CFI: variants seen among roughly 807,000 people sequenced by gnomAD.
CFI encodes the protein complement factor I.
Under a neutral mutation model 78.8 loss-of-function variants are expected in CFI, and 66 were observed. The ratio of observed to expected loss-of-function variants is 0.84; its 90% CI spans 0.69 to 1.03. The LOEUF (loss-of-function observed/expected upper bound fraction) is 1.03. Among genes scored for constraint, CFI ranks in the 50% least tolerant of loss-of-function variants. The pLI is 0.00. For missense variants in CFI, 706 were observed against 704.5 expected (o/e 1.00, Z -0.02); for synonymous variants, 250 against 232.6 (o/e 1.07, Z -0.68).
chr4:109,796,925 A>C (rs1286611399), intron 1 of CFI, among the ~76,000 whole-genome samples: 1 of 152,258 alleles, frequency 6.6e-6, no homozygotes, highest in Non-Finnish European at 1.5e-5. Flanking sequence ...AAATTAAAGT[A>C]GGCACAAAGA....
chr4:109,798,569 T>C (rs1579330129), intron 1 of CFI, among the ~76,000 whole-genome samples: 2 of 152,080 alleles, frequency 1.3e-5, no homozygotes, highest in East Asian at 3.9e-4. Flanking sequence ...TTGTGGTTCT[T>C]CTGGAACAGA....
chr4:109,763,405 T>C (rs1387880386), intron 3 of CFI, among the ~76,000 whole-genome samples: 1 of 152,012 alleles, frequency 6.6e-6, no homozygotes, highest in Non-Finnish European at 1.5e-5. Context: ...ATCTTTAATT[T>C]AGTAGAAATT....
At chr4:109,783,108 A>G (rs970369431) in intron 1 of CFI, among the ~76,000 whole-genome samples, 1 of 152,186 alleles carries the variant, frequency 6.6e-6, no homozygotes, top group Non-Finnish European at 1.5e-5. Flanking sequence ...CCTTCTAGAC[A>G]TAGGCTTAGG....
the CFI span, among the ~76,000 whole-genome samples, chr4:109,733,532 A>G: frequency 2.0e-5 from 3 of 152,226 alleles, no homozygotes; most frequent in Non-Finnish European, 4.4e-5. Flanking sequence ...TAATCTAGGT[A>G]TGGCATAAGT....
chr4:109,738,112 CTTT>C (rs141891533), downstream of CFI, among the ~76,000 whole-genome samples: 409 of 130,244 alleles, frequency 3.1e-3, 2 homozygotes, highest in Non-Finnish European at 2.8e-3. Context: ...GAGTACTTTT[CTTT>C]TTTTTTTTTT....
intron 7 of CFI, among the ~76,000 whole-genome samples, chr4:109,756,871 C>CGAAA (rs199723870): frequency 8.8e-6 from 1 of 113,824 alleles, no homozygotes; most frequent in South Asian, 2.8e-4. Flanking sequence ...GACTCCGTCT[C>CGAAA]GAAAGAAAGA....
In CFI at chr4:109,770,747, G is replaced by A. The variant is rs532703292; in HGVS notation, c.58-3923C>T. Among the ~76,000 whole-genome samples the A allele has an allele frequency of 1.2e-4, 19 of 152,064 alleles. No homozygotes were observed. In the South Asian group the frequency reaches 3.9e-3, roughly 32 times the overall value. The stretch of plus-strand genomic sequence containing the variant: ...ATAAGGTCAAAGAGAGTGGGGAGAG[G>A]ACTGCAGGATATAAGATATCAAAAT... On this transcript the variant is annotated intron_variant, in intron 1 of 12. Coordinates refer to ENST00000394634, the MANE Select transcript of CFI (RefSeq NM_000204.5).
At chr4:109,749,196 A>G (rs768942834) in intron 10 of CFI, 22 bp downstream of exon 10, 2 of 1,593,338 alleles carry the variant, frequency 1.3e-6, no homozygotes, top group Non-Finnish European at 1.7e-6. Flanking sequence ...GAAATCTAAA[A>G]TTTACTGAAG....
At chr4:109,798,222 T>C (rs1197558397) in intron 1 of CFI, among the ~76,000 whole-genome samples, 1 of 152,220 alleles carries the variant, frequency 6.6e-6, no homozygotes, top group Non-Finnish European at 1.5e-5. Context: ...TCAAGATGTA[T>C]AATTCTTAGA....
rs1295732785 is a variant in CFI, at chr4:109,740,840, T to G, written c.*53A>C. ...TATTAATTATACCGTTTTATTTCCA[T>G]TAAATGGAACTCTTGAGAGAAAAAG... On this transcript the variant is annotated 3_prime_UTR_variant, in exon 13 of 13. Coordinates refer to ENST00000394634, the MANE Select transcript of CFI (RefSeq NM_000204.5). 1 of 1,492,502 alleles carries G rather than the reference T, an allele frequency of 6.7e-7. No individual in the cohort carries two copies. The allele number at this position is 1,492,502 out of a possible 1,614,324, so 92.5% of individuals were successfully genotyped here. A position where few individuals can be genotyped will look rare whatever the true frequency, so the allele number is the denominator to read the frequency against.
chr4:109,794,185 T>C (rs1731748112), intron 1 of CFI: 1 of 152,198 alleles, frequency 6.6e-6, no homozygotes, highest in African/African-American at 2.4e-5. Flanking sequence ...TTTGATCAAA[T>C]GTGGAAATTT....
In CFI at chr4:109,753,504, TTTATTATATAAATAAATATTTATAATAA is replaced by T. The variant is rs1561293746; in HGVS notation, c.905-1029_905-1002del. On this transcript the variant is annotated intron_variant, in intron 7 of 12. Coordinates refer to ENST00000394634, the MANE Select transcript of CFI (RefSeq NM_000204.5). ...ATTTATAATAAATATTTATAATATA[TTTATTATATAAATAAATATTTATAATAA>T]ATATTTATAATATATTTATTATATA... Among the ~76,000 whole-genome samples, 3 of 20,874 alleles carry T rather than the reference TTTATTATATAAATAAATATTTATAATAA, an allele frequency of 1.4e-4. 1 individual carries two copies. Among genetic ancestry groups the T allele is most frequent in the African/African-American group, 3.7e-4 (3 of 8,112 alleles). 13.7% of individuals were successfully genotyped at this position (20,874 alleles called of 152,430 possible).
Position 109,760,498 on chromosome 4 carries a change from A to G in CFI, c.772+25T>C, listed in dbSNP as rs1411694463. ...TTAGTCAGAAAAATGAATTTAGAGG[A>G]TTTAGAGGCTAGATTTATGTCTACC... On this transcript the variant is annotated intron_variant, in intron 5 of 12. Coordinates refer to ENST00000394634, the MANE Select transcript of CFI (RefSeq NM_000204.5). 2.7e-6 allele frequency: 4 copies of G among 1,494,088 alleles called. No homozygotes were observed. In the African/African-American group the frequency reaches 5.5e-5, roughly 21 times the overall value. 92.6% of individuals were successfully genotyped at this position (1,494,088 alleles called of 1,614,324 possible).
At chr4:109,781,703 C>A (rs1283861643) in intron 1 of CFI, among the ~76,000 whole-genome samples, 1 of 151,954 alleles carries the variant, frequency 6.6e-6, no homozygotes, top group African/African-American at 2.4e-5. Context: ...AAGGACATAA[C>A]CAAAAAAGAA....
At chr4:109,772,661 C>T (rs1728746953) in intron 1 of CFI, among the ~76,000 whole-genome samples, 1 of 151,304 alleles carries the variant, frequency 6.6e-6, no homozygotes, top group African/African-American at 2.4e-5. Context: ...TCACTGTAAT[C>T]CTAAACTCAT....
intron 2 of CFI, 90 bp downstream of exon 2, chr4:109,766,464 A>G: frequency 6.7e-7 from 1 of 1,491,202 alleles, no homozygotes; most frequent in Non-Finnish European, 9.3e-7. Flanking sequence ...TCATCATAAC[A>G]TACACAAGAG....
chr4:109,771,970 C>A (rs938520268), intron 1 of CFI, among the ~76,000 whole-genome samples: 1 of 152,118 alleles, frequency 6.6e-6, no homozygotes, highest in Non-Finnish European at 1.5e-5. Context: ...ATAGGAGAAG[C>A]AATCAGAGCA....
Position 109,771,714 on chromosome 4 carries a change from C to CAAAAAAA in CFI, c.58-4897_58-4891dup, listed in dbSNP as rs149565381. Among the ~76,000 whole-genome samples, 45 of 18,122 alleles carry CAAAAAAA rather than the reference C, an allele frequency of 2.5e-3. 4 individuals are homozygous for CAAAAAAA. Among genetic ancestry groups the CAAAAAAA allele is most frequent in the South Asian group, 4.8e-3 (2 of 418 alleles). The allele number at this position is 18,122 out of a possible 152,430, so 11.9% of individuals were successfully genotyped here. ...GGGCAACACAGCAAGACTCCATCAC[C>CAAAAAAA]AAAAAAAAAAAAAAAAAAAAAAAAA... On this transcript the variant is annotated intron_variant, in intron 1 of 12. Transcript: ENST00000394634.
chr4:109,755,042 A>G (rs1257308924), intron 7 of CFI, among the ~76,000 whole-genome samples: 1 of 152,210 alleles, frequency 6.6e-6, no homozygotes, highest in African/African-American at 2.4e-5. Flanking sequence ...CTGACAATGG[A>G]CTAATTTGTA....
Sources: allele counts gnomAD v4.1 joint callset (sites outside exome capture counted in the v4.1 genomes callset), GRCh38; gene constraint gnomAD v4.1.1; transcripts MANE v1.5; gene names NCBI Gene and HGNC (gene_info 2026-07-23, HGNC 2026-07-21).